The following GBX1 variants were observed in gnomAD, a reference collection of about 807,000 sequenced individuals.
The protein encoded by GBX1 is homeobox protein GBX-1.
A neutral mutation model predicts 22.9 loss-of-function variants in GBX1; 9 were observed. The observed-to-expected ratio is 0.39, with a 90% CI of 0.24 to 0.69. GBX1 has a LOEUF of 0.69. Ranked by LOEUF, GBX1 falls within the 30% of genes least tolerant of loss-of-function variation. GBX1 has a pLI of 0.43. For synonymous variants in GBX1, 203 were observed against 227.3 expected (o/e 0.89, Z 0.96); for missense variants, 494 against 509.2 (o/e 0.97, Z 0.29).
At chr7:151,155,124 T>C (rs531946301) in intron 1 of GBX1, among the ~76,000 whole-genome samples, 1 of 152,286 alleles carries the variant, frequency 6.6e-6, no homozygotes, top group Admixed American at 6.5e-5. Flanking sequence ...ACTTATCTTC[T>C]CTCTACTTCA....
At chr7:151,154,938 C>T (rs937595840) in intron 1 of GBX1, among the ~76,000 whole-genome samples, 19 of 152,126 alleles carry the variant, frequency 1.2e-4, no homozygotes, top group Non-Finnish European at 1.2e-4. Context: ...CTAGAGGCAC[C>T]GAGGAGGAGG....
intron 1 of GBX1, among the ~76,000 whole-genome samples, chr7:151,159,085 ATTT>A (rs34407378): frequency 1.5e-4 from 21 of 140,864 alleles, no homozygotes; most frequent in African/African-American, 2.7e-4. Flanking sequence ...AAGTGTCTGA[ATTT>A]TTTTTTTTTT....
At chr7:151,166,962 T>C in intron 1 of GBX1, 49 bp downstream of exon 1, 1 of 1,581,136 alleles carries the variant, frequency 6.3e-7, no homozygotes, top group Non-Finnish European at 8.6e-7. Context: ...TGTCTGGAAT[T>C]TCCAGGTGAA....
intron 1 of GBX1, 73 bp downstream of exon 1, chr7:151,166,938 T>C: frequency 6.7e-7 from 1 of 1,496,874 alleles, no homozygotes; most frequent in South Asian, 1.2e-5. Flanking sequence ...GTGCCGAGGT[T>C]CCGAGCAGGT....
intron 1 of GBX1, among the ~76,000 whole-genome samples, chr7:151,166,650 A>T (rs1237335475): frequency 6.6e-6 from 1 of 152,050 alleles, no homozygotes; most frequent in African/African-American, 2.4e-5. Flanking sequence ...GCCCCCGGAA[A>T]TCCCATCCTT....
chr7:151,166,484 C>CA (rs1231520532), intron 1 of GBX1, among the ~76,000 whole-genome samples: 22 of 125,812 alleles, frequency 1.7e-4, no homozygotes, highest in South Asian at 1.3e-3. Context: ...ACCCCCCCCC[C>CA]CCAACACACA....
intron 1 of GBX1, among the ~76,000 whole-genome samples, chr7:151,149,484 T>C (rs1356768825): frequency 1.3e-5 from 2 of 149,488 alleles, no homozygotes; most frequent in Admixed American, 1.3e-4. Flanking sequence ...CCTCCCCAGC[T>C]TTCTCGGAAC....
chr7:151,156,497 T>TC (rs1408495295), intron 1 of GBX1, among the ~76,000 whole-genome samples: 1 of 151,542 alleles, frequency 6.6e-6, no homozygotes, highest in Non-Finnish European at 1.5e-5. Flanking sequence ...ATTAATATCT[T>TC]CCCTTAACAT....
rs200640367 is a variant in GBX1 at position 151,166,996 on chromosome 7, G to A, written c.538+15C>T. 31 of 1,601,352 alleles carry A rather than the reference G, an allele frequency of 1.9e-5. No individual in the cohort carries two copies. The highest frequency in any genetic ancestry group is 2.3e-5 in the Non-Finnish European group (27 of 1,175,354). On this transcript the variant is annotated intron_variant, in intron 1 of 1. Transcript: ENST00000297537. ...AACCGGCCTCCCGCCAGCCCTGGTC[G>A]GCCCTAGCACTTACCGGGCAGACTT...
intron 1 of GBX1, among the ~76,000 whole-genome samples, chr7:151,166,688 GA>G (rs1219971302): frequency 1.3e-5 from 2 of 152,010 alleles, no homozygotes; most frequent in African/African-American, 2.4e-5. Context: ...GACAGAGGAG[GA>G]AAAAAATGAA....
chr7:151,166,488 A>ACCCCCCCCCCC (rs1491154351), intron 1 of GBX1, among the ~76,000 whole-genome samples: 1 of 50,354 alleles, frequency 2.0e-5, no homozygotes, highest in Non-Finnish European at 3.4e-5. Context: ...CCCCCCCCCA[A>ACCCCCCCCCCC]CACACACACA....
intron 1 of GBX1, among the ~76,000 whole-genome samples, 198 bp from the exon 2 acceptor site, chr7:151,149,340 T>C (rs577883610): frequency 6.6e-6 from 1 of 152,024 alleles, no homozygotes; most frequent in Admixed American, 6.5e-5. Flanking sequence ...GGAAGAGGTT[T>C]AGGGAAAACA....
chr7:151,153,867 G>A (rs888390709), intron 1 of GBX1, among the ~76,000 whole-genome samples: 4 of 152,096 alleles, frequency 2.6e-5, no homozygotes, highest in African/African-American at 9.7e-5. Context: ...CTGGCAAGAA[G>A]CAAATCTTGT....
chr7:151,151,483 A>G (rs1291169181), intron 1 of GBX1, among the ~76,000 whole-genome samples: 2 of 151,796 alleles, frequency 1.3e-5, no homozygotes, highest in Non-Finnish European at 2.9e-5. Flanking sequence ...ATTATTTTCC[A>G]CTTCCACAGA....
At position 151,167,692 on chromosome 7, in the gene GBX1, T is replaced by C. The variant is rs1374803162; in HGVS notation, c.-144A>G. On this transcript the variant is annotated 5_prime_UTR_variant, in exon 1 of 2. Coordinates refer to ENST00000297537, the MANE Select transcript of GBX1 (RefSeq NM_001098834.3). The surrounding 1 kb of genome is among the most constrained non-coding windows in gnomAD (Gnocchi z 5.9). ...GCGGCGGGGCGCGGGCTCGGCGCAG[T>C]GTGGCTCCGGCGCCGCGCTCCCTCT... The C allele has an allele frequency of 6.1e-6, 5 of 824,092 alleles. No individual in the cohort carries two copies. Among genetic ancestry groups the C allele is most frequent in the Non-Finnish European group, 6.0e-6 (4 of 663,176 alleles). 51.0% of individuals were successfully genotyped at this position (824,092 alleles called of 1,614,324 possible).
At chr7:151,163,441 G>A (rs181414914) in intron 1 of GBX1, among the ~76,000 whole-genome samples, 3 of 152,082 alleles carry the variant, frequency 2.0e-5, no homozygotes, top group Non-Finnish European at 2.9e-5. Context: ...CTCTAGATCC[G>A]TCATGTTGAA....
In GBX1 at chr7:151,161,625, T is replaced by G. The variant is rs1222968575; in HGVS notation, c.538+5386A>C. Among the ~76,000 whole-genome samples the G allele has an allele frequency of 2.0e-5, 3 of 152,254 alleles. No homozygotes were observed. In the East Asian group the frequency reaches 5.8e-4, roughly 29 times the overall value. ...ACAGAACTTGTGATATAATCATGTTTCTTTATTCATTAAACAAGGTCCCTC... is the reference window on the plus strand; with the variant it reads ...ACAGAACTTGTGATATAATCATGTTGCTTTATTCATTAAACAAGGTCCCTC... On this transcript the variant is annotated intron_variant, in intron 1 of 1. Transcript: ENST00000297537.
intron 1 of GBX1, among the ~76,000 whole-genome samples, chr7:151,153,714 CTTT>C (rs1801104117): frequency 1.3e-5 from 2 of 151,534 alleles, no homozygotes. Flanking sequence ...GGCTGGCTAA[CTTT>C]TTTATTTTTA....
At chr7:151,158,619 T>C (rs185310984) in intron 1 of GBX1, among the ~76,000 whole-genome samples, 3 of 152,216 alleles carry the variant, frequency 2.0e-5, no homozygotes, top group Admixed American at 2.0e-4. Context: ...AATCTACCCC[T>C]AATTAGATTC....
Sources: gnomAD v4.1 joint callset for allele counts (sites outside exome capture counted in the v4.1 genomes callset) on GRCh38, gnomAD v4.1.1 for gene constraint, Gnocchi (gnomAD v3.1) non-coding constraint, MANE v1.5 for transcripts, NCBI Gene and HGNC (gene_info 2026-07-23, HGNC 2026-07-21) for gene names.